Variants in CNNM4 observed in about 807,000 individuals in gnomAD.
CNNM4 encodes the protein metal transporter CNNM4.
CNNM4 carries 32 observed loss-of-function variants against 53.7 expected under a neutral mutation model. The observed-to-expected ratio is 0.60, with a 90% CI of 0.45 to 0.80. The LOEUF (loss-of-function observed/expected upper bound fraction) is 0.80, where lower values mean the gene tolerates loss of function less well. Ranked by LOEUF, CNNM4 falls within the 30% of genes least tolerant of loss-of-function variation. The pLI, the probability that CNNM4 is intolerant of heterozygous loss-of-function variation, is 0.00. For missense variants in CNNM4, 784 were observed against 1,022.0 expected (o/e 0.77, Z 3.17); for synonymous variants, 410 against 440.0 (o/e 0.93, Z 0.85).
chr2:96,776,893 G>T (rs1020303271), intron 1 of CNNM4, among the ~76,000 whole-genome samples: 3 of 148,152 alleles, frequency 2.0e-5, no homozygotes, highest in Admixed American at 2.0e-4. Flanking sequence ...GATTACAGGC[G>T]TGAGCCACTG....
intron 1 of CNNM4, among the ~76,000 whole-genome samples, chr2:96,765,024 G>GATTTTT (rs2078801708): frequency 7.2e-5 from 3 of 41,518 alleles, no homozygotes; most frequent in African/African-American, 2.6e-4. Context: ...GTTGGGAATG[G>GATTTTT]TTTTTTTTTT....
In CNNM4 at chr2:96,808,873, C is replaced by A; in HGVS notation, c.2130+131C>A. The A allele has an allele frequency of 1.1e-6, 1 of 924,180 alleles. No individual in the cohort carries two copies. Among genetic ancestry groups the A allele is most frequent in the Non-Finnish European group, 1.7e-6 (1 of 587,378 alleles). 57.2% of individuals were successfully genotyped at this position (924,180 alleles called of 1,614,324 possible). On this transcript the variant is annotated intron_variant, in intron 6 of 6. Transcript: ENST00000377075. This position sits in a 1 kb window ranked among gnomAD's most constrained non-coding sequence, Gnocchi z 4.9. Reference sequence around the variant, plus strand: ...TTTTTCTTCTGGAGATGGGGTCTTGCTCTGTCGCCCAGGCTGGAATGCAGT... The same window carrying A: ...TTTTTCTTCTGGAGATGGGGTCTTGATCTGTCGCCCAGGCTGGAATGCAGT...
chr2:96,799,514 C>CT, intron 4 of CNNM4, 38 bp from the exon 5 acceptor site: 1 of 1,520,744 alleles, frequency 6.6e-7, no homozygotes, highest in Non-Finnish European at 8.9e-7. Context: ...TGTTTCCTCC[C>CT]TCACTTGGTC....
chr2:96,792,176 G>A (rs1449437634), intron 1 of CNNM4, among the ~76,000 whole-genome samples: 1 of 150,530 alleles, frequency 6.6e-6, no homozygotes, highest in Non-Finnish European at 1.5e-5. Context: ...AACCTGTGAG[G>A]TGGAGATTGC....
chr2:96,762,772 T>A (rs1200073612), intron 1 of CNNM4, among the ~76,000 whole-genome samples: 1 of 151,850 alleles, frequency 6.6e-6, no homozygotes, highest in Non-Finnish European at 1.5e-5. Context: ...GCTGGGAAAT[T>A]GGGGAATCCA....
intron 1 of CNNM4, among the ~76,000 whole-genome samples, chr2:96,766,406 T>TCC (rs1194449637): frequency 6.6e-6 from 1 of 152,130 alleles, no homozygotes; most frequent in Non-Finnish European, 1.5e-5. Context: ...ACCAGGATGC[T>TCC]CCCACCATGG....
Position 96,809,443 on chromosome 2 carries a change from G to A in CNNM4, c.2254G>A (p.Val752Met), listed in dbSNP as rs373978823. 152 of 1,614,092 alleles carry A rather than the reference G, an allele frequency of 9.4e-5. No homozygotes were observed. Among genetic ancestry groups the A allele is most frequent in the Non-Finnish European group, 1.2e-4 (147 of 1,180,044 alleles). The change falls in exon 7 of 7, where the codon GTG (valine) becomes ATG (methionine). Residue 752 changes from valine (V) to methionine (M), a missense_variant. Around this residue, in one of 3 missense-constraint regions of CNNM4, gnomAD observed 307 missense variants for 376.3 expected, o/e 0.82. Transcript: ENST00000377075. ...NLAEKSELPVVDETTTLLNER... is the reference protein window; with the variant it reads ...NLAEKSELPVMDETTTLLNER... ...GGCCGAGAAGTCTGAGCTGCCTGTG[G>A]TGGACGAGACCACAACTCTTCTCAA... is the stretch of plus-strand genomic sequence containing the variant.
chr2:96,809,175 G>A (rs773755883), intron 6 of CNNM4, 145 bp from the exon 7 acceptor site: 838 of 1,521,776 alleles, frequency 5.5e-4, no homozygotes, highest in Non-Finnish European at 7.1e-4. Context: ...CGTGCACCTT[G>A]TTCTTTGTAA....
rs1201132762 is a variant in CNNM4 at position 96,797,559 on chromosome 2, C to G, written c.1593C>G (p.Asp531Glu). The change falls in exon 3 of 7, where the codon GAC (aspartate) becomes GAG (glutamate). Residue 531 changes from aspartate (D) to glutamate (E), a missense_variant. This residue lies in a region of CNNM4 where 307 missense variants were observed against 376.3 expected (regional missense o/e 0.82). Coordinates refer to ENST00000377075, the MANE Select transcript of CNNM4 (RefSeq NM_020184.4). This position sits in a 1 kb window ranked among gnomAD's most constrained non-coding sequence, Gnocchi z 6.0. ...RKRVSEKNKR[D>E]FSAFKDADNE... ...GGGTGTCTGAGAAGAACAAGCGTGA[C>G]TTCTCTGCCTTCAAGGATGCGGACA... 6.2e-7 allele frequency: 1 copy of G among 1,614,208 alleles called. No individual in the cohort carries two copies. Among genetic ancestry groups the G allele is most frequent in the Admixed American group, 1.7e-5 (1 of 60,030 alleles).
intron 5 of CNNM4, among the ~76,000 whole-genome samples, chr2:96,803,296 A>T (rs1188078615): frequency 6.6e-6 from 1 of 152,142 alleles, no homozygotes; most frequent in African/African-American, 2.4e-5. Context: ...TTTACGCTTT[A>T]TGCATATTCA....
In CNNM4 at chr2:96,771,810, T is replaced by C. The variant is rs1574056549; in HGVS notation, c.1402+9409T>C. Among the ~76,000 whole-genome samples, 3 of 152,120 alleles carry C rather than the reference T, an allele frequency of 2.0e-5. No individual in the cohort carries two copies. In the East Asian group the frequency reaches 5.8e-4, roughly 29 times the overall value. ...GATTCCCTGCTGATAAGAAATTAAA[T>C]CCTTATCCCCATCATCCTTTCGGAG... On this transcript the variant is annotated intron_variant, in intron 1 of 6. Transcript: ENST00000377075.
intron 1 of CNNM4, among the ~76,000 whole-genome samples, chr2:96,780,502 C>T (rs1406053116): frequency 6.7e-6 from 1 of 149,270 alleles, no homozygotes; most frequent in African/African-American, 2.5e-5. Flanking sequence ...TCAAGTGATC[C>T]TCCCGCCTTG....
intron 1 of CNNM4, among the ~76,000 whole-genome samples, chr2:96,793,739 T>G (rs2079081025): frequency 1.3e-5 from 2 of 152,172 alleles, no homozygotes; most frequent in African/African-American, 4.8e-5. Flanking sequence ...CAAGGCAGAA[T>G]GATCACTTGA....
chr2:96,777,741 A>T (rs2078939062), intron 1 of CNNM4, among the ~76,000 whole-genome samples: 1 of 151,804 alleles, frequency 6.6e-6, no homozygotes, highest in Admixed American at 6.6e-5. Flanking sequence ...ACCTCAGGTG[A>T]TTCACCTGCC....
rs1418186669 is a variant in CNNM4 at position 96,801,858 on chromosome 2, A to G, written c.1948+2210A>G. ...ACCCATAGACACACAGATGCCACAG[A>G]GGCATACACAGAGAAACACCCGTAG... On this transcript the variant is annotated intron_variant, in intron 5 of 6. Coordinates refer to ENST00000377075, the MANE Select transcript of CNNM4 (RefSeq NM_020184.4). The surrounding 1 kb of genome is among the most constrained non-coding windows in gnomAD (Gnocchi z 5.6). Among the ~76,000 whole-genome samples the G allele has an allele frequency of 6.6e-6, 1 of 151,796 alleles. No individual in the cohort carries two copies. Among genetic ancestry groups the G allele is most frequent in the Non-Finnish European group, 1.5e-5 (1 of 67,954 alleles).
At chr2:96,777,885 G>C (rs1037704852) in intron 1 of CNNM4, among the ~76,000 whole-genome samples, 21 of 147,166 alleles carry the variant, frequency 1.4e-4, no homozygotes, top group Non-Finnish European at 2.5e-4. Context: ...TTTTTTTTCT[G>C]AAACAGGATC....
rs998972073 is a variant in CNNM4 at position 96,799,722 on chromosome 2, C to A, written c.1948+74C>A. 4.0e-6 allele frequency: 5 copies of A among 1,241,504 alleles called. No individual in the cohort carries two copies. The Admixed American group carries it at 9.9e-5, about 25-fold the overall frequency. The allele number at this position is 1,241,504 out of a possible 1,614,324, so 76.9% of individuals were successfully genotyped here. Reference sequence around the variant, plus strand: ...GGGGAGCCATGGACCGACACCAGAACTGAGCATGGGCCCGAGAGCTCATAG... The same window carrying A: ...GGGGAGCCATGGACCGACACCAGAAATGAGCATGGGCCCGAGAGCTCATAG... On this transcript the variant is annotated intron_variant, in intron 5 of 6. Coordinates refer to ENST00000377075, the MANE Select transcript of CNNM4 (RefSeq NM_020184.4).
chr2:96,764,631 C>A (rs577957825), intron 1 of CNNM4, among the ~76,000 whole-genome samples: 2 of 152,214 alleles, frequency 1.3e-5, no homozygotes, highest in African/African-American at 4.8e-5. Context: ...TCCAATCTGG[C>A]GTCCACCTTC....
intron 1 of CNNM4, among the ~76,000 whole-genome samples, chr2:96,794,893 T>TACAC (rs904388718): frequency 6.6e-6 from 1 of 152,026 alleles, no homozygotes; most frequent in African/African-American, 2.4e-5. Context: ...TGGAAGGGGG[T>TACAC]ACAGGTTGGG....
Sources: allele counts gnomAD v4.1 joint callset (sites outside exome capture counted in the v4.1 genomes callset), GRCh38; gene constraint gnomAD v4.1.1; regional missense constraint gnomAD v4.1.1; non-coding constraint Gnocchi (gnomAD v3.1); transcripts MANE v1.5; gene names NCBI Gene and HGNC (gene_info 2026-07-23, HGNC 2026-07-21).